Variants in CHRM3 observed in about 807,000 individuals in gnomAD.
CHRM3 encodes muscarinic acetylcholine receptor M3.
In CHRM3, 11 loss-of-function variants were observed where a neutral mutation model predicts 41.8. That is an observed-to-expected ratio of 0.26 (90% CI 0.17 to 0.44). The LOEUF (loss-of-function observed/expected upper bound fraction) is 0.44, where lower values mean the gene tolerates loss of function less well. CHRM3 is among the 20% of genes least tolerant of loss of function. The pLI is 1.00. For synonymous variants in CHRM3, 297 were observed against 301.4 expected (o/e 0.99, Z 0.15); for missense variants, 571 against 745.4 (o/e 0.77, Z 2.72).
At chr1:239,481,336 T>C (rs1387059084) in intron 1 of CHRM3, among the ~76,000 whole-genome samples, 3 of 152,200 alleles carry the variant, frequency 2.0e-5, no homozygotes, top group African/African-American at 7.2e-5. Context: ...ATTTGTGAGT[T>C]AGGGATTTTT....
intron 3 of CHRM3, among the ~76,000 whole-genome samples, chr1:239,562,460 C>G (rs1355680029): frequency 1.3e-5 from 2 of 152,090 alleles, no homozygotes; most frequent in African/African-American, 4.8e-5. Flanking sequence ...AACACTTCAC[C>G]ATAAAAATAA....
At chr1:239,703,534 A>G (rs1417175975) in intron 5 of CHRM3, 5 of 152,178 alleles carry the variant, frequency 3.3e-5, no homozygotes, top group African/African-American at 9.7e-5. Flanking sequence ...CCTCTGACAT[A>G]AGCATTAAAA....
intron 3 of CHRM3, among the ~76,000 whole-genome samples, chr1:239,572,454 G>C (rs938857356): frequency 6.6e-6 from 1 of 152,128 alleles, no homozygotes; most frequent in Non-Finnish European, 1.5e-5. Context: ...ATTAATGAAG[G>C]TCATGTTGAA....
intron 3 of CHRM3, among the ~76,000 whole-genome samples, chr1:239,596,793 G>T (rs1664829359): frequency 6.6e-6 from 1 of 152,016 alleles, no homozygotes. Flanking sequence ...AGTATTTAAT[G>T]GATAAGGGGG....
In CHRM3 at chr1:239,519,896, C is replaced by T. The variant is rs1315729047; in HGVS notation, c.-421-25745C>T. Among the ~76,000 whole-genome samples the T allele has an allele frequency of 2.0e-5, 3 of 151,742 alleles. No homozygotes were observed. In the East Asian group the frequency reaches 5.8e-4, roughly 29 times the overall value. On this transcript the variant is annotated intron_variant, in intron 2 of 6. Transcript: ENST00000676153. ...CCTAGTAGCTGGGACCACAGGCACC[C>T]GCCACCACACCCCGCTAATTTTTTG... is the stretch of plus-strand genomic sequence containing the variant.
intron 6 of CHRM3, among the ~76,000 whole-genome samples, chr1:239,836,506 C>T (rs984264610): frequency 6.6e-6 from 1 of 152,128 alleles, no homozygotes; most frequent in African/African-American, 2.4e-5. Flanking sequence ...CAGGAGCCCT[C>T]CTGTCCTTTA....
intron 5 of CHRM3, among the ~76,000 whole-genome samples, chr1:239,730,856 T>G (rs1390538799): frequency 1.3e-5 from 2 of 151,598 alleles, no homozygotes; most frequent in African/African-American, 2.4e-5. Context: ...GAGAGAGAGA[T>G]AATTTAGGAC....
At chr1:239,459,796 T>C in intron 1 of CHRM3, among the ~76,000 whole-genome samples, 1 of 152,146 alleles carries the variant, frequency 6.6e-6, no homozygotes, top group East Asian at 1.9e-4. Flanking sequence ...TCCAAACGAT[T>C]CTTATTAAAA....
intron 6 of CHRM3, among the ~76,000 whole-genome samples, chr1:239,832,883 T>TGCA (rs988344748): frequency 3.1e-4 from 47 of 152,196 alleles, no homozygotes; most frequent in African/African-American, 1.1e-3. Context: ...CTCCTGAGTC[T>TGCA]GGGTCTGTTT....
intron 4 of CHRM3, among the ~76,000 whole-genome samples, chr1:239,653,828 C>A (rs1355203373): frequency 6.6e-6 from 1 of 152,038 alleles, no homozygotes; most frequent in Non-Finnish European, 1.5e-5. Context: ...TAAACAGAAT[C>A]TTGGGAGAGA....
intron 3 of CHRM3, among the ~76,000 whole-genome samples, chr1:239,589,085 C>A (rs948079364): frequency 1.3e-5 from 2 of 151,956 alleles, no homozygotes; most frequent in African/African-American, 4.8e-5. Flanking sequence ...AGGCACGTGC[C>A]GTCATGCCTG....
At chr1:239,497,554 A>G (rs987274260) in intron 2 of CHRM3, among the ~76,000 whole-genome samples, 5 of 152,200 alleles carry the variant, frequency 3.3e-5, no homozygotes, top group Admixed American at 6.5e-5. Context: ...CTTATCTGCA[A>G]GTTACTCTCT....
At chr1:239,623,117 G>GTT (rs200484453) in intron 3 of CHRM3, among the ~76,000 whole-genome samples, 1 of 151,306 alleles carries the variant, frequency 6.6e-6, no homozygotes, top group Non-Finnish European at 1.5e-5. Context: ...AGCAATAAAG[G>GTT]TTTTTTTTTA....
chr1:239,674,480 C>CG (rs1190623260), intron 4 of CHRM3, among the ~76,000 whole-genome samples: 1 of 151,866 alleles, frequency 6.6e-6, no homozygotes, highest in Non-Finnish European at 1.5e-5. Flanking sequence ...GAGGCCCAGG[C>CG]GGGGGGATCA....
At chr1:239,869,609 A>G (rs1193399363) in intron 6 of CHRM3, among the ~76,000 whole-genome samples, 2 of 152,050 alleles carry the variant, frequency 1.3e-5, no homozygotes, top group Non-Finnish European at 2.9e-5. Context: ...GAATGAGCAC[A>G]TCCCCAGCCC....
chr1:239,763,915 G>A (rs551065483), intron 5 of CHRM3, among the ~76,000 whole-genome samples: 18 of 151,584 alleles, frequency 1.2e-4, no homozygotes, highest in East Asian at 7.8e-4. Context: ...GGGCAACATA[G>A]CAAGACCCCC....
intron 6 of CHRM3, among the ~76,000 whole-genome samples, chr1:239,875,572 T>C (rs1238782362): frequency 2.6e-5 from 4 of 152,226 alleles, no homozygotes; most frequent in Non-Finnish European, 5.9e-5. Flanking sequence ...CCAGATTTGC[T>C]CCAAGGCCAA....
intron 5 of CHRM3, among the ~76,000 whole-genome samples, chr1:239,722,558 G>T (rs1484093666): frequency 6.6e-6 from 1 of 151,808 alleles, no homozygotes; most frequent in African/African-American, 2.4e-5. Flanking sequence ...CTTAGTCTTG[G>T]TTTTTCTTCA....
chr1:239,469,898 T>G (rs2147933773), intron 1 of CHRM3, among the ~76,000 whole-genome samples: 1 of 152,252 alleles, frequency 6.6e-6, no homozygotes, highest in Admixed American at 6.5e-5. Flanking sequence ...AGCCTCCTTT[T>G]CAAAACCACC....
Sources: allele counts gnomAD v4.1 joint callset (sites outside exome capture counted in the v4.1 genomes callset), GRCh38; gene constraint gnomAD v4.1.1; transcripts MANE v1.5; gene names NCBI Gene and HGNC (gene_info 2026-07-23, HGNC 2026-07-21).